The following KDM5A variants were observed in gnomAD, a reference collection of about 807,000 sequenced individuals.
KDM5A encodes lysine-specific demethylase 5A.
A neutral mutation model predicts 193.5 loss-of-function variants in KDM5A; 42 were observed. That is an observed-to-expected ratio of 0.22 (90% CI 0.17 to 0.28). The LOEUF (loss-of-function observed/expected upper bound fraction) is 0.28, where lower values mean the gene tolerates loss of function less well. KDM5A is among the 10% of genes least tolerant of loss of function. The pLI, the probability that KDM5A is intolerant of heterozygous loss-of-function variation, is 1.00. For synonymous variants in KDM5A, 796 were observed against 718.1 expected (o/e 1.11, Z -1.73); for missense variants, 1,692 against 2,055.1 (o/e 0.82, Z 3.42).
Position 340,453 on chromosome 12 carries a change from T to A in KDM5A, c.1309-6031A>T, listed in dbSNP as rs143566763. On this transcript the variant is annotated intron_variant, in intron 10 of 27. Transcript: ENST00000399788. ...GCTCACGCCTGTAATCCCAGCACTT[T>A]GGGAGGCCAAGGCGGGCAAATCATG... is the stretch of plus-strand genomic sequence containing the variant. Among the ~76,000 whole-genome samples the A allele has an allele frequency of 8.3e-3, 1,263 of 152,172 alleles. 5 individuals are homozygous for A. Among genetic ancestry groups the A allele is most frequent in the Non-Finnish European group, 0.014 (970 of 67,990 alleles).
At chr12:333,365 G>T in intron 12 of KDM5A, 122 bp downstream of exon 12, 1 of 1,035,022 alleles carries the variant, frequency 9.7e-7, no homozygotes, top group Non-Finnish European at 1.5e-6. Flanking sequence ...GCTGCAATGA[G>T]CAATCATCGT....
intron 20 of KDM5A, 184 bp from the exon 21 acceptor site, chr12:311,248 T>C: frequency 1.6e-6 from 1 of 625,244 alleles, no homozygotes; most frequent in Non-Finnish European, 2.8e-6. Flanking sequence ...TGTAAATTAT[T>C]TTTTTAATGA....
At position 316,609 on chromosome 12, in the gene KDM5A, C is replaced by T. The variant is rs767592696; in HGVS notation, c.2897+1497G>A. 5.2e-4 allele frequency among the ~76,000 whole-genome samples: 79 copies of T among 152,156 alleles called. 1 individual carries two copies. Among genetic ancestry groups the T allele is most frequent in the South Asian group, 2.1e-4 (1 of 4,820 alleles). On this transcript the variant is annotated intron_variant, in intron 19 of 27. Coordinates refer to ENST00000399788, the MANE Select transcript of KDM5A (RefSeq NM_001042603.3). ...TCATTTGGTGGCCTACTACCAGGTG[C>T]GCCACGTTTATCAAAATCATAGTTT...
At chr12:339,238 A>G (rs1027488674) in intron 10 of KDM5A, among the ~76,000 whole-genome samples, 3 of 152,150 alleles carry the variant, frequency 2.0e-5, no homozygotes, top group Admixed American at 1.3e-4. Context: ...AGGGTAACTC[A>G]TATCACAGAA....
At chr12:328,686 T>G in intron 14 of KDM5A, 149 bp downstream of exon 14, 1 of 706,430 alleles carries the variant, frequency 1.4e-6, no homozygotes. Flanking sequence ...GAAATCAATA[T>G]GTCAATTATA....
intron 10 of KDM5A, among the ~76,000 whole-genome samples, chr12:337,614 A>T (rs75672825): frequency 1.1e-4 from 17 of 152,254 alleles, no homozygotes; most frequent in African/African-American, 4.1e-4. Context: ...AAACGAAACA[A>T]TATGATAAAC....
intron 22 of KDM5A, among the ~76,000 whole-genome samples, chr12:308,440 A>T (rs1226024451): frequency 6.6e-6 from 1 of 152,230 alleles, no homozygotes; most frequent in Non-Finnish European, 1.5e-5. Context: ...CACAAGGTAA[A>T]CACTCTTAAA....
At chr12:349,474 C>T (rs901725321) in intron 10 of KDM5A, among the ~76,000 whole-genome samples, 5 of 151,594 alleles carry the variant, frequency 3.3e-5, no homozygotes, top group Non-Finnish European at 5.9e-5. Flanking sequence ...GGATTACAGG[C>T]GCCCACCACC....
intron 27 of KDM5A, among the ~76,000 whole-genome samples, chr12:288,080 T>C (rs16929171): frequency 0.017 from 2,662 of 152,222 alleles, 80 homozygotes; most frequent in African/African-American, 0.06. Flanking sequence ...AAGCAAAAAA[T>C]AGTCCTTCTC....
rs147954931 is a variant in KDM5A, at chr12:304,003, G to C, written c.4074+2943C>G. ...GGGGGAAAAATAAGTTCAGCTTGCA[G>C]ATCAGCTTGGTACTGCCCATTAATC... On this transcript the variant is annotated intron_variant, in intron 24 of 27. Transcript: ENST00000399788. 4.6e-5 allele frequency among the ~76,000 whole-genome samples: 7 copies of C among 152,312 alleles called. No individual in the cohort carries two copies. In the East Asian group the frequency reaches 5.8e-4, roughly 13 times the overall value.
intron 26 of KDM5A, 22 bp downstream of exon 26, chr12:295,551 T>C: frequency 1.2e-6 from 2 of 1,605,590 alleles, no homozygotes; most frequent in Non-Finnish European, 1.7e-6. Flanking sequence ...AACCACTGTT[T>C]AAATAAGTAT....
At chr12:341,103 G>T (rs1328005062) in intron 10 of KDM5A, among the ~76,000 whole-genome samples, 1 of 152,110 alleles carries the variant, frequency 6.6e-6, no homozygotes, top group East Asian at 1.9e-4. Context: ...TAAAACCTCA[G>T]AAAATGTAAA....
intron 10 of KDM5A, 47 bp from the exon 11 acceptor site, chr12:334,469 T>A (rs1231798774): frequency 6.5e-7 from 1 of 1,532,366 alleles, no homozygotes; most frequent in Non-Finnish European, 9.0e-7. Flanking sequence ...AAATGAAAAG[T>A]GCTCAATAGA....
rs1232112751 is a variant in KDM5A, at chr12:307,051, C to G, written c.3969G>C (p.Arg1323=). The change falls in exon 24 of 28, where the codon CGG becomes CGC. Residue 1323 remains arginine, a synonymous_variant. Coordinates refer to ENST00000399788, the MANE Select transcript of KDM5A (RefSeq NM_001042603.3). The surrounding 1 kb of genome is among the most constrained non-coding windows in gnomAD (Gnocchi z 4.3). The part of the protein sequence containing the change: ...LPSFQQSAFN[R]VVSSVSSSPR... ...GAGAAGATGACACACTGCTCACCAC[C>G]CGGTTAAAAGCAGACTGCTGGAAAC... 1 of 1,613,920 alleles carries G rather than the reference C, an allele frequency of 6.2e-7. No homozygotes were observed. The highest frequency in any genetic ancestry group is 1.3e-5 in the African/African-American group (1 of 74,890).
chr12:376,316 G>C (rs1944503370), intron 3 of KDM5A, among the ~76,000 whole-genome samples: 1 of 152,216 alleles, frequency 6.6e-6, no homozygotes, highest in Non-Finnish European at 1.5e-5. Context: ...CCACCTTGTA[G>C]TTCCATCTCA....
chr12:328,662 G>T (rs571630373), intron 14 of KDM5A, among the ~76,000 whole-genome samples, 173 bp downstream of exon 14: 2 of 152,256 alleles, frequency 1.3e-5, no homozygotes, highest in East Asian at 3.9e-4. Context: ...TTCCTAAAAC[G>T]TTTTTAATCT....
At chr12:328,655 C>T (rs1328635550) in intron 14 of KDM5A, among the ~76,000 whole-genome samples, 180 bp downstream of exon 14, 1 of 152,076 alleles carries the variant, frequency 6.6e-6, no homozygotes, top group Non-Finnish European at 1.5e-5. Context: ...GACAAGATTC[C>T]TAAAACGTTT....
In KDM5A at chr12:280,371, T is replaced by A. The variant is rs148012469; in HGVS notation, c.*5085A>T. The A allele has an allele frequency of 4.3e-6, 1 of 232,808 alleles. No individual in the cohort carries two copies. The highest frequency in any genetic ancestry group is 8.5e-6 in the Non-Finnish European group (1 of 117,920). The allele number at this position is 232,808 out of a possible 1,614,324, so 14.4% of individuals were successfully genotyped here. ...GGTCCAACACAATTTTTTTTTTTAA[T>A]GGACTTGCCACCTTAAGAAACTTCA... On this transcript the variant is annotated 3_prime_UTR_variant, in exon 28 of 28. Transcript: ENST00000399788.
intron 1 of KDM5A, chr12:388,519 C>T (rs1449878545): frequency 5.5e-6 from 2 of 360,588 alleles, no homozygotes; most frequent in South Asian, 2.1e-5. Flanking sequence ...GAAACCCTAG[C>T]CCTGAGATGA....
Sources: gnomAD v4.1 joint callset for allele counts (sites outside exome capture counted in the v4.1 genomes callset) on GRCh38, gnomAD v4.1.1 for gene constraint, Gnocchi (gnomAD v3.1) non-coding constraint, MANE v1.5 for transcripts, NCBI Gene and HGNC (gene_info 2026-07-23, HGNC 2026-07-21) for gene names.